EEIG2: variants seen among roughly 807,000 people sequenced by gnomAD.
EEIG2 encodes family with sequence similarity 102 member B.
the EEIG2 span, among the ~76,000 whole-genome samples, chr1:108,623,320 T>A: frequency 6.6e-6 from 1 of 151,900 alleles, no homozygotes; most frequent in African/African-American, 2.4e-5. Context: ...GCAAAAAAAA[T>A]TTAAAGTCTC....
At chr1:108,616,124 C>CT in the EEIG2 span, among the ~76,000 whole-genome samples, 449 of 129,764 alleles carry the variant, frequency 3.5e-3, 2 homozygotes, top group African/African-American at 0.012. Flanking sequence ...CCCACTTCTT[C>CT]TTTTTTTTTT....
the EEIG2 span, among the ~76,000 whole-genome samples, chr1:108,619,385 A>G: frequency 6.6e-6 from 1 of 152,254 alleles, no homozygotes; most frequent in Non-Finnish European, 1.5e-5. Flanking sequence ...GGGAAATTCT[A>G]ACACATTCAT....
At chr1:108,624,555 T>C in the EEIG2 span, 14 of 1,031,058 alleles carry the variant, frequency 1.4e-5, no homozygotes, top group East Asian at 3.4e-4. Flanking sequence ...CCAAGCAGTC[T>C]ATGCTAAGGC....
the EEIG2 span, among the ~76,000 whole-genome samples, chr1:108,570,940 C>CA: frequency 1.3e-5 from 2 of 152,112 alleles, no homozygotes; most frequent in African/African-American, 4.8e-5. Flanking sequence ...GGGCTGTACT[C>CA]AGAGTGGGAT....
the EEIG2 span, among the ~76,000 whole-genome samples, chr1:108,609,596 C>T: frequency 6.6e-6 from 1 of 152,094 alleles, no homozygotes; most frequent in Non-Finnish European, 1.5e-5. Flanking sequence ...TGCTAAAGGC[C>T]TTGAAGTGAT....
chr1:108,587,471 A>T, the EEIG2 span, among the ~76,000 whole-genome samples: 1 of 152,134 alleles, frequency 6.6e-6, no homozygotes. Flanking sequence ...GGTGTTGTCC[A>T]TTCTGTGTTT....
chr1:108,603,092 T>C, the EEIG2 span, among the ~76,000 whole-genome samples: 1 of 152,130 alleles, frequency 6.6e-6, no homozygotes. Flanking sequence ...CTAGACATAA[T>C]ATCCAAAACA....
the EEIG2 span, among the ~76,000 whole-genome samples, chr1:108,587,183 CCT>C: frequency 1.3e-5 from 2 of 151,958 alleles, no homozygotes; most frequent in African/African-American, 4.8e-5. Flanking sequence ...TTATTTATTC[CCT>C]GTGTCCTTGT....
the EEIG2 span, among the ~76,000 whole-genome samples, chr1:108,593,930 C>T: frequency 2.0e-5 from 3 of 152,018 alleles, no homozygotes; most frequent in South Asian, 2.1e-4. Flanking sequence ...CTCAGCTGCC[C>T]GAGAAGCTGG....
At chr1:108,618,781 G>A in the EEIG2 span, among the ~76,000 whole-genome samples, 3 of 149,348 alleles carry the variant, frequency 2.0e-5, no homozygotes, top group Admixed American at 2.0e-4. Flanking sequence ...AGGTTGCAGT[G>A]AGCCAAGATT....
the EEIG2 span, among the ~76,000 whole-genome samples, chr1:108,580,946 A>G: frequency 1.3e-5 from 2 of 152,210 alleles, no homozygotes; most frequent in African/African-American, 4.8e-5. Flanking sequence ...ACAGCCATCT[A>G]AGACTTTTGT....
At chr1:108,596,851 G>A in the EEIG2 span, among the ~76,000 whole-genome samples, 1 of 151,758 alleles carries the variant, frequency 6.6e-6, no homozygotes, top group African/African-American at 2.4e-5. Flanking sequence ...TGATTCTCCT[G>A]CCTCAACCTT....
chr1:108,568,243 T>C, the EEIG2 span, among the ~76,000 whole-genome samples: 1 of 152,190 alleles, frequency 6.6e-6, no homozygotes, highest in Non-Finnish European at 1.5e-5. Flanking sequence ...AGAAAAGATC[T>C]GTTGTAGTTT....
the EEIG2 span, among the ~76,000 whole-genome samples, chr1:108,564,649 T>C: frequency 1.3e-5 from 2 of 152,014 alleles, no homozygotes; most frequent in Non-Finnish European, 2.9e-5. Context: ...TAAAGATTAT[T>C]AGTGAAAAAA....
chr1:108,609,404 A>G, the EEIG2 span, among the ~76,000 whole-genome samples: 1 of 152,170 alleles, frequency 6.6e-6, no homozygotes, highest in Non-Finnish European at 1.5e-5. Flanking sequence ...AAGGAGAAAA[A>G]TAGAGGGGGT....
At chr1:108,594,119 G>A in the EEIG2 span, among the ~76,000 whole-genome samples, 1 of 152,042 alleles carries the variant, frequency 6.6e-6, no homozygotes, top group Non-Finnish European at 1.5e-5. Context: ...TGAGGACTTA[G>A]ATTTTTAAGT....
At chr1:108,583,290 G>T in the EEIG2 span, among the ~76,000 whole-genome samples, 1,218 of 152,014 alleles carry the variant, frequency 8.0e-3, 14 homozygotes, top group African/African-American at 0.028. Context: ...GACTACAGGT[G>T]CACACCACCA....
the EEIG2 span, among the ~76,000 whole-genome samples, chr1:108,630,563 C>G: frequency 6.6e-6 from 1 of 152,156 alleles, no homozygotes; most frequent in Non-Finnish European, 1.5e-5. Context: ...TACCCTAAAA[C>G]TTAAAGTATA....
chr1:108,600,867 A>T, the EEIG2 span, among the ~76,000 whole-genome samples: 1 of 152,018 alleles, frequency 6.6e-6, no homozygotes, highest in Non-Finnish European at 1.5e-5. Flanking sequence ...TGAGGTTATA[A>T]ATTAAAATTA....
Sources: allele counts gnomAD v4.1 joint callset (sites outside exome capture counted in the v4.1 genomes callset), GRCh38; gene constraint gnomAD v4.1.1; transcripts MANE v1.5; gene names NCBI Gene and HGNC (gene_info 2026-07-23, HGNC 2026-07-21).